The following MMRN1 variants were observed in gnomAD, a reference collection of about 807,000 sequenced individuals.
MMRN1 encodes the protein multimerin-1.
In MMRN1, 94 loss-of-function variants were observed where a neutral mutation model predicts 100.7. The ratio of observed to expected loss-of-function variants is 0.93; its 90% CI spans 0.79 to 1.11. The LOEUF is 1.11. Among genes scored for constraint, MMRN1 ranks in the 50% least tolerant of loss-of-function variants. The probability of loss-of-function intolerance (pLI) is 0.00; values close to 1 mark genes in which losing one functional copy is unlikely to be tolerated. For synonymous variants in MMRN1, 575 were observed against 505.0 expected, an observed-to-expected ratio of 1.14 and a Z score of -1.86; for missense variants, 1,606 against 1,439.1, an observed-to-expected ratio of 1.12 and a Z score of -1.88.
intron 1 of MMRN1, among the ~76,000 whole-genome samples, chr4:89,898,193 A>AAATAAT (rs201296240): frequency 1.3e-5 from 2 of 152,154 alleles, no homozygotes; most frequent in East Asian, 3.9e-4. Context: ...TTTGATTGGC[A>AAATAAT]AATAATAATA....
intron 1 of MMRN1, among the ~76,000 whole-genome samples, chr4:89,887,260 C>T (rs1412022802): frequency 1.3e-5 from 2 of 151,990 alleles, no homozygotes; most frequent in Admixed American, 6.6e-5. Flanking sequence ...CAATCCCTAT[C>T]AAAATACCAA....
Position 89,894,979 on chromosome 4 carries a change from G to T in MMRN1, c.8G>T (p.Gly3Val). The change falls in exon 1 of 8, where the codon GGG becomes GTG. Residue 3 changes from glycine (G) to valine (V), a missense_variant. Gly to Val is a moderately radical substitution (Grantham distance 109). Coordinates refer to ENST00000264790, the MANE Select transcript of MMRN1 (RefSeq NM_007351.3). MK[G>V]ARLFVLLSSL... is the part of the protein sequence containing the mutation. ...TTGCTTCAAACTACTGAGATGAAGG[G>T]GGCAAGATTATTTGTCCTTCTTTCT... 1 of 1,609,578 alleles carries T rather than the reference G, an allele frequency of 6.2e-7. No homozygotes were observed.
At chr4:89,891,248 T>C (rs960587493), upstream of MMRN1, among the ~76,000 whole-genome samples, 1 of 152,060 alleles carries the variant, frequency 6.6e-6, no homozygotes, top group Non-Finnish European at 1.5e-5. Flanking sequence ...CCGGAACAAG[T>C]TCATTATATT....
chr4:89,936,719 A>T lies in MMRN1; in HGVS notation c.3039A>T (p.Ala1013=), dbSNP rs1163744087. 5 of 1,613,270 alleles carry T rather than the reference A, an allele frequency of 3.1e-6. No individual in the cohort carries two copies. Among genetic ancestry groups the T allele is most frequent in the Non-Finnish European group, 4.2e-6 (5 of 1,179,610 alleles). The change falls in exon 6 of 8, where the codon GCA becomes GCT. Residue 1013 remains alanine, a synonymous_variant. Coordinates refer to ENST00000264790, the MANE Select transcript of MMRN1 (RefSeq NM_007351.3). ...AATCATTGCCAAAGAAAATTAACGC[A>T]CTTAAGAAACCAACGGTAAATCTTA... is the stretch of plus-strand genomic sequence containing the variant. ...QVKSLPKKIN[A]LKKPTVNLTT... is the part of the protein sequence containing the mutation.
At chr4:89,901,624 C>G (rs113903936) in intron 1 of MMRN1, among the ~76,000 whole-genome samples, 6 of 151,888 alleles carry the variant, frequency 4.0e-5, no homozygotes, top group African/African-American at 1.2e-4. Flanking sequence ...AAAGAGAAAC[C>G]ATTATACTAA....
intron 6 of MMRN1, among the ~76,000 whole-genome samples, chr4:89,944,750 A>G (rs926256419): frequency 1.3e-5 from 2 of 152,212 alleles, no homozygotes; most frequent in Non-Finnish European, 2.9e-5. Flanking sequence ...TGGTAAAATA[A>G]TAAGTTTTAT....
At chr4:89,939,081 A>G (rs374631163) in intron 6 of MMRN1, among the ~76,000 whole-genome samples, 1 of 152,142 alleles carries the variant, frequency 6.6e-6, no homozygotes, top group African/African-American at 2.4e-5. Flanking sequence ...TGATGAAACC[A>G]GTGGACTCAG....
intron 5 of MMRN1, among the ~76,000 whole-genome samples, chr4:89,931,338 G>A (rs923778671): frequency 6.6e-6 from 1 of 151,984 alleles, no homozygotes; most frequent in Non-Finnish European, 1.5e-5. Flanking sequence ...AGTCCCTCAT[G>A]TATGTTAAAA....
In MMRN1 at chr4:89,935,277, C is replaced by T. The variant is rs1177734121; in HGVS notation, c.1597C>T (p.Pro533Ser). The T allele has an allele frequency of 1.9e-6, 3 of 1,613,712 alleles. No individual in the cohort carries two copies. The highest frequency in any genetic ancestry group is 1.3e-5 in the African/African-American group (1 of 75,016). ...ACAGGTATCAGACCAGAAGAATGCT[C>T]CAGCTGCTGAGTCAGTTAGCAATAA... ...TEQVSDQKNA[P>S]AAESVSNNVT... Residue 533 changes from proline to serine, a missense_variant, in exon 6 of 8, where the codon CCA becomes TCA. By Grantham distance (74) the Pro-to-Ser change is moderately conservative (BLOSUM62 -1). Transcript: ENST00000264790.
At chr4:89,906,569 T>C (rs1206893411) in intron 1 of MMRN1, among the ~76,000 whole-genome samples, 1 of 151,738 alleles carries the variant, frequency 6.6e-6, no homozygotes, top group East Asian at 1.9e-4. Context: ...AAAGGATTAC[T>C]AGGTTTAAGC....
intron 7 of MMRN1, among the ~76,000 whole-genome samples, chr4:89,952,551 C>T (rs1223885089): frequency 1.3e-5 from 2 of 152,114 alleles, no homozygotes; most frequent in Non-Finnish European, 2.9e-5. Flanking sequence ...ATATGGTTTT[C>T]GTTTTAGCCT....
chr4:89,951,501 T>G (rs1019274634), intron 6 of MMRN1, 104 bp from the exon 7 acceptor site: 7 of 1,253,064 alleles, frequency 5.6e-6, no homozygotes, highest in Admixed American at 3.4e-5. Context: ...TTTTTCTTAC[T>G]TAAAATTCAG....
chr4:89,898,158 T>C (rs1721268866), intron 1 of MMRN1, among the ~76,000 whole-genome samples: 2 of 152,092 alleles, frequency 1.3e-5, no homozygotes, highest in Non-Finnish European at 2.9e-5. Context: ...CTTGATATGG[T>C]CAAAAGAAGT....
chr4:89,925,262 A>G (rs969501017), intron 4 of MMRN1, among the ~76,000 whole-genome samples: 1 of 149,862 alleles, frequency 6.7e-6, no homozygotes, highest in Non-Finnish European at 1.5e-5. Context: ...TCAGTGCCCA[A>G]GCAGCTGGGA....
At chr4:89,894,251 C>A (rs1383275908), upstream of MMRN1, among the ~76,000 whole-genome samples, 1 of 152,044 alleles carries the variant, frequency 6.6e-6, no homozygotes, top group Non-Finnish European at 1.5e-5. Context: ...GTATACCTGT[C>A]TAATTCAATT....
chr4:89,943,416 T>G (rs1578502564), intron 6 of MMRN1, among the ~76,000 whole-genome samples: 1 of 152,204 alleles, frequency 6.6e-6, no homozygotes, highest in East Asian at 1.9e-4. Context: ...CAAGAGGATC[T>G]TTGTAAAACA....
At chr4:89,920,399 C>G (rs1722051350) in intron 3 of MMRN1, among the ~76,000 whole-genome samples, 1 of 152,104 alleles carries the variant, frequency 6.6e-6, no homozygotes, top group Admixed American at 6.6e-5. Context: ...GTGAAGGCAG[C>G]ACAAACACTC....
rs543680131 is a variant in MMRN1 at position 89,953,066 on chromosome 4, C to G, written c.3335C>G (p.Thr1112Ser). The G allele has an allele frequency of 6.2e-7, 1 of 1,613,788 alleles. No homozygotes were observed. Among genetic ancestry groups the G allele is most frequent in the East Asian group, 2.2e-5 (1 of 44,856 alleles). ...AFFASHTYGM[T>S]IPGPILFNNL... ...TTTGCATCTCATACGTATGGAATGA[C>G]TATACCTGGTCCTATCCTGTTTAAT... The change falls in exon 8 of 8, where the codon ACT becomes AGT. Residue 1112 changes from threonine to serine, a missense_variant. Coordinates refer to ENST00000264790, the MANE Select transcript of MMRN1 (RefSeq NM_007351.3).
Position 89,927,964 on chromosome 4 carries a change from A to G in MMRN1, c.1125A>G (p.Leu375=). ...AAAGCAGAGAATTTCAATCTCTTCT[A>G]AAAGGTAAAAATGAAATAAAATAAA... The part of the protein sequence containing the change: ...EDKSREFQSL[L]KGLKSKSINV... Residue 375 remains leucine, a synonymous_variant, in exon 5 of 8, where the codon CTA becomes CTG. Transcript: ENST00000264790. 6.4e-7 allele frequency: 1 copy of G among 1,566,558 alleles called. No individual in the cohort carries two copies. Among genetic ancestry groups the G allele is most frequent in the Non-Finnish European group, 8.6e-7 (1 of 1,157,750 alleles).
Sources: allele counts gnomAD v4.1 joint callset (sites outside exome capture counted in the v4.1 genomes callset), GRCh38; gene constraint gnomAD v4.1.1; transcripts MANE v1.5; gene names NCBI Gene and HGNC (gene_info 2026-07-23, HGNC 2026-07-21).